FBXW7: variants seen among roughly 807,000 people sequenced by gnomAD.
FBXW7 encodes F-box/WD repeat-containing protein 7.
A neutral mutation model predicts 86.3 loss-of-function variants in FBXW7; 11 were observed. That is an observed-to-expected ratio of 0.13 (90% CI 0.08 to 0.21). FBXW7 has a LOEUF of 0.21. FBXW7 is among the 10% of genes least tolerant of loss of function. The pLI is 1.00. For synonymous variants in FBXW7, 313 were observed against 297.9 expected (o/e 1.05, Z -0.52); for missense variants, 488 against 847.4 (o/e 0.58, Z 5.27).
Position 152,322,582 on chromosome 4 carries a change from A to G in FBXW7, c.*299T>C. On this transcript the variant is annotated 3_prime_UTR_variant, in exon 14 of 14. Coordinates refer to ENST00000281708, the MANE Select transcript of FBXW7 (RefSeq NM_001349798.2). Reference sequence around the variant, plus strand: ...CAATGACCACTGGAGAAGAAAATAAAGAAATAATTGCACCTGGTTTGATTT... The same window carrying G: ...CAATGACCACTGGAGAAGAAAATAAGGAAATAATTGCACCTGGTTTGATTT... The G allele has an allele frequency of 2.6e-6, 1 of 382,496 alleles. No individual in the cohort carries two copies. The highest frequency in any genetic ancestry group is 4.0e-5 in the East Asian group (1 of 24,858). The allele number at this position is 382,496 out of a possible 1,614,324, so 23.7% of individuals were successfully genotyped here.
intron 5 of FBXW7, 49 bp from the exon 6 acceptor site, chr4:152,347,120 A>T (rs1297503961): frequency 6.6e-7 from 1 of 1,524,166 alleles, no homozygotes; most frequent in East Asian, 2.3e-5. Context: ...GGAAAAAAAC[A>T]AAAGTGAAAG....
chr4:152,421,352 C>T (rs750104552), intron 2 of FBXW7, among the ~76,000 whole-genome samples: 20 of 152,124 alleles, frequency 1.3e-4, no homozygotes, highest in Non-Finnish European at 2.1e-4. Context: ...AGCAATAAGG[C>T]TGTTTTGCTT....
chr4:152,397,815 AG>A (rs1736555455), intron 4 of FBXW7, among the ~76,000 whole-genome samples: 1 of 151,926 alleles, frequency 6.6e-6, no homozygotes, highest in Non-Finnish European at 1.5e-5. Context: ...TGCTAATACA[AG>A]ATGACATTTA....
At chr4:152,451,240 C>T (rs1271591883) in intron 2 of FBXW7, among the ~76,000 whole-genome samples, 1 of 152,278 alleles carries the variant, frequency 6.6e-6, no homozygotes, top group East Asian at 1.9e-4. Flanking sequence ...AGTATTTCTT[C>T]AATTAACTAA....
At chr4:152,420,102 G>A (rs552659701) in intron 2 of FBXW7, among the ~76,000 whole-genome samples, 73 of 152,164 alleles carry the variant, frequency 4.8e-4, no homozygotes, top group Admixed American at 1.1e-3. Context: ...CCAAACCACC[G>A]CTGCTTTATC....
chr4:152,404,289 T>A (rs1737213235), intron 4 of FBXW7, among the ~76,000 whole-genome samples: 1 of 152,180 alleles, frequency 6.6e-6, no homozygotes, highest in Non-Finnish European at 1.5e-5. Flanking sequence ...TAATAATTGG[T>A]TTCCAGCAGA....
intron 4 of FBXW7, chr4:152,352,798 G>A (rs1252207757): frequency 1.9e-6 from 3 of 1,585,156 alleles, no homozygotes; most frequent in Non-Finnish European, 2.6e-6. Flanking sequence ...GATTATTGGA[G>A]GAGACTATGC....
chr4:152,470,863 C>A (rs1405347999), intron 2 of FBXW7, among the ~76,000 whole-genome samples: 1 of 152,062 alleles, frequency 6.6e-6, no homozygotes, highest in Non-Finnish European at 1.5e-5. Flanking sequence ...GATGATAAAA[C>A]TCAGTATTTT....
chr4:152,352,420 C>A (rs766645934), intron 4 of FBXW7: 2 of 1,604,212 alleles, frequency 1.2e-6, no homozygotes, highest in Admixed American at 1.7e-5. Context: ...CCTTCTCAGG[C>A]AGGCATACAC....
chr4:152,535,245 G>A lies in FBXW7; in HGVS notation c.-331C>T, dbSNP rs1349794305. 8.9e-6 allele frequency: 2 copies of A among 224,430 alleles called. No homozygotes were observed. Among genetic ancestry groups the A allele is most frequent in the African/African-American group, 4.5e-5 (2 of 44,134 alleles). 13.9% of individuals were successfully genotyped at this position (224,430 alleles called of 1,614,324 possible). On this transcript the variant is annotated 5_prime_UTR_variant, in exon 1 of 14. Coordinates refer to ENST00000281708, the MANE Select transcript of FBXW7 (RefSeq NM_001349798.2). ...ATTTTGTTTTTGTAAAGTTTCCTCT[G>A]GGTGGAGGCTGCGGCCGGCCCCCCG...
chr4:152,429,461 G>A (rs1037324832), intron 2 of FBXW7, among the ~76,000 whole-genome samples: 1 of 152,148 alleles, frequency 6.6e-6, no homozygotes, highest in African/African-American at 2.4e-5. Flanking sequence ...CTGAGAAAGA[G>A]AGAGTTGTAG....
intron 3 of FBXW7, among the ~76,000 whole-genome samples, chr4:152,412,094 A>G (rs767485902): frequency 1.3e-5 from 2 of 152,170 alleles, no homozygotes; most frequent in Non-Finnish European, 2.9e-5. Context: ...AACAACACTA[A>G]TCCCTTTTAA....
At chr4:152,404,402 G>A (rs1346276628) in intron 4 of FBXW7, among the ~76,000 whole-genome samples, 1 of 152,144 alleles carries the variant, frequency 6.6e-6, no homozygotes, top group East Asian at 1.9e-4. Flanking sequence ...ACCACATTCA[G>A]AGATAATTCC....
intron 2 of FBXW7, among the ~76,000 whole-genome samples, chr4:152,452,683 T>C (rs2127021759): frequency 6.6e-6 from 1 of 152,318 alleles, no homozygotes; most frequent in South Asian, 2.1e-4. Flanking sequence ...TATATATGTT[T>C]AACATAAAAA....
chr4:152,352,979 G>A, intron 4 of FBXW7: 1 of 1,321,586 alleles, frequency 7.6e-7, no homozygotes, highest in South Asian at 2.3e-5. Context: ...ACTGAACAGA[G>A]GGAGGATGTG....
At chr4:152,509,248 T>A (rs1747735618) in intron 2 of FBXW7, among the ~76,000 whole-genome samples, 1 of 152,210 alleles carries the variant, frequency 6.6e-6, no homozygotes, top group Non-Finnish European at 1.5e-5. Context: ...ATTACATGAA[T>A]GTTAATCTCC....
At chr4:152,334,834 G>C (rs534530016) in intron 7 of FBXW7, among the ~76,000 whole-genome samples, 2 of 152,162 alleles carry the variant, frequency 1.3e-5, no homozygotes. Context: ...CAAGAACTTC[G>C]ACTTATTAAA....
At chr4:152,444,041 C>T (rs932313589) in intron 2 of FBXW7, among the ~76,000 whole-genome samples, 32 of 142,688 alleles carry the variant, frequency 2.2e-4, no homozygotes, top group Non-Finnish European at 4.0e-4. Flanking sequence ...CAAACATGTG[C>T]TTCTCTACAA....
chr4:152,338,705 G>A (rs1381006053), intron 6 of FBXW7, among the ~76,000 whole-genome samples: 2 of 152,026 alleles, frequency 1.3e-5, no homozygotes, highest in African/African-American at 4.8e-5. Flanking sequence ...AAAAGCCATG[G>A]TTCTTAAAAG....
Sources: gnomAD v4.1 joint callset for allele counts (sites outside exome capture counted in the v4.1 genomes callset) on GRCh38, gnomAD v4.1.1 for gene constraint, MANE v1.5 for transcripts, NCBI Gene and HGNC (gene_info 2026-07-23, HGNC 2026-07-21) for gene names.